Variants in CADM2 observed in about 807,000 individuals in gnomAD.
CADM2 encodes immunoglobulin superfamily member 4D.
CADM2 carries 12 observed loss-of-function variants against 49.8 expected under a neutral mutation model. The ratio of observed to expected loss-of-function variants is 0.24; its 90% CI spans 0.15 to 0.39. The LOEUF is 0.39. Ranked by LOEUF, CADM2 falls within the 10% of genes least tolerant of loss-of-function variation. The pLI is 1.00. For synonymous variants in CADM2, 214 were observed against 175.4 expected, an observed-to-expected ratio of 1.22 and a Z score of -1.74; for missense variants, 378 against 492.3, an observed-to-expected ratio of 0.77 and a Z score of 2.20.
chr3:85,007,752 G>A (rs1194235003), intron 1 of CADM2, among the ~76,000 whole-genome samples: 2 of 152,198 alleles, frequency 1.3e-5, no homozygotes, highest in African/African-American at 4.8e-5. Context: ...TGCCTGTAGA[G>A]GAGGCTGGCA....
intron 1 of CADM2, among the ~76,000 whole-genome samples, chr3:85,070,320 T>A (rs2036680646): frequency 6.6e-6 from 1 of 152,176 alleles, no homozygotes; most frequent in African/African-American, 2.4e-5. Flanking sequence ...AGTGTGAAAT[T>A]ATCTTTTTAT....
chr3:85,788,877 C>A (rs2071164485), intron 2 of CADM2, among the ~76,000 whole-genome samples: 1 of 151,820 alleles, frequency 6.6e-6, no homozygotes, highest in Non-Finnish European at 1.5e-5. Flanking sequence ...TTTGTCATTT[C>A]ATTTGCTTCT....
chr3:85,685,342 G>C (rs2066169968), intron 1 of CADM2, among the ~76,000 whole-genome samples: 1 of 152,062 alleles, frequency 6.6e-6, no homozygotes, highest in African/African-American at 2.4e-5. Flanking sequence ...TGTAAAAGCT[G>C]TAAATACATG....
chr3:85,569,112 G>A (rs1364045754), intron 1 of CADM2, among the ~76,000 whole-genome samples: 1 of 152,046 alleles, frequency 6.6e-6, no homozygotes, highest in Non-Finnish European at 1.5e-5. Context: ...CCCTAGTGAT[G>A]CATTTTTATA....
chr3:85,791,602 CA>C (rs200178305), intron 2 of CADM2, among the ~76,000 whole-genome samples: 10 of 142,092 alleles, frequency 7.0e-5, no homozygotes, highest in Non-Finnish European at 1.4e-4. Flanking sequence ...AGAGAGAAAA[CA>C]AAAAAAAACT....
At chr3:85,478,506 G>A (rs1214706338) in intron 1 of CADM2, among the ~76,000 whole-genome samples, 1 of 151,856 alleles carries the variant, frequency 6.6e-6, no homozygotes, top group Non-Finnish European at 1.5e-5. Flanking sequence ...GTGGCAATGA[G>A]ATTTGGCACT....
At chr3:85,499,768 G>C (rs2040042577) in intron 1 of CADM2, among the ~76,000 whole-genome samples, 2 of 152,042 alleles carry the variant, frequency 1.3e-5, no homozygotes, top group African/African-American at 2.4e-5. Flanking sequence ...ACCTTAGGCT[G>C]TCTTAAGATT....
At chr3:85,239,620 ATTCTT>A (rs1267872227) in intron 1 of CADM2, among the ~76,000 whole-genome samples, 1 of 151,616 alleles carries the variant, frequency 6.6e-6, no homozygotes, top group Non-Finnish European at 1.5e-5. Flanking sequence ...GGATCATTCT[ATTCTT>A]AAGATTATAT....
chr3:85,031,350 A>C (rs1173445958), intron 1 of CADM2, among the ~76,000 whole-genome samples: 1 of 152,134 alleles, frequency 6.6e-6, no homozygotes, highest in Non-Finnish European at 1.5e-5. Flanking sequence ...GGAGATGAAC[A>C]AGTGAAATAT....
intron 1 of CADM2, among the ~76,000 whole-genome samples, chr3:85,149,174 G>A (rs2039844742): frequency 6.6e-6 from 1 of 151,618 alleles, no homozygotes; most frequent in Non-Finnish European, 1.5e-5. Flanking sequence ...GGTTGCCATG[G>A]TTTGACTGTT....
At chr3:85,769,415 A>G (rs913001400) in intron 2 of CADM2, among the ~76,000 whole-genome samples, 1 of 105,768 alleles carries the variant, frequency 9.5e-6, no homozygotes, top group Non-Finnish European at 1.7e-5. Context: ...ATACACGTAT[A>G]TACATATATA....
intron 1 of CADM2, among the ~76,000 whole-genome samples, chr3:85,291,118 G>A (rs1294461579): frequency 6.6e-6 from 1 of 152,146 alleles, no homozygotes; most frequent in Non-Finnish European, 1.5e-5. Flanking sequence ...TGAAAACCAA[G>A]GCTCGAGAAC....
At chr3:85,146,870 C>T (rs185611289) in intron 1 of CADM2, among the ~76,000 whole-genome samples, 3 of 151,828 alleles carry the variant, frequency 2.0e-5, no homozygotes, top group Admixed American at 6.6e-5. Flanking sequence ...TTCTTAAATG[C>T]GATCCTGCAA....
chr3:85,550,322 T>G (rs2061770726), intron 1 of CADM2, among the ~76,000 whole-genome samples: 1 of 152,200 alleles, frequency 6.6e-6, no homozygotes, highest in African/African-American at 2.4e-5. Flanking sequence ...CTCAAGTATT[T>G]GATATGGGGG....
intron 1 of CADM2, among the ~76,000 whole-genome samples, chr3:85,050,144 A>G (rs2035827286): frequency 6.6e-6 from 1 of 152,004 alleles, no homozygotes; most frequent in Non-Finnish European, 1.5e-5. Context: ...ATTAGTGAAC[A>G]TTGCTCATCT....
intron 1 of CADM2, among the ~76,000 whole-genome samples, chr3:85,707,670 G>A (rs1425427982): frequency 6.6e-6 from 1 of 151,974 alleles, no homozygotes; most frequent in Admixed American, 6.6e-5. Context: ...ACCCAAACCT[G>A]TACATTTTCT....
intron 1 of CADM2, among the ~76,000 whole-genome samples, chr3:85,598,666 A>G (rs2063312177): frequency 6.6e-6 from 1 of 151,942 alleles, no homozygotes; most frequent in Non-Finnish European, 1.5e-5. Flanking sequence ...ATATTTACTG[A>G]CATCCACTGT....
At chr3:85,032,649 T>G (rs541141019) in intron 1 of CADM2, among the ~76,000 whole-genome samples, 386 of 152,318 alleles carry the variant, frequency 2.5e-3, no homozygotes, top group Admixed American at 5.4e-3. Context: ...CGGAGAAGTC[T>G]GCATTCTTAT....
chr3:85,235,225 T>A (rs2107822476), intron 1 of CADM2, among the ~76,000 whole-genome samples: 1 of 152,298 alleles, frequency 6.6e-6, no homozygotes, highest in East Asian at 1.9e-4. Flanking sequence ...TTCACTGTAA[T>A]AACACTGAAT....
Sources: gnomAD v4.1 joint callset for allele counts (sites outside exome capture counted in the v4.1 genomes callset) on GRCh38, gnomAD v4.1.1 for gene constraint, MANE v1.5 for transcripts, NCBI Gene and HGNC (gene_info 2026-07-23, HGNC 2026-07-21) for gene names.